Variants in PTPRN2 observed in about 807,000 individuals in gnomAD.
The protein encoded by PTPRN2 is receptor-type tyrosine-protein phosphatase N2.
A neutral mutation model predicts 118.8 loss-of-function variants in PTPRN2; 74 were observed. The observed-to-expected ratio is 0.62, with a 90% CI of 0.52 to 0.76. The LOEUF is 0.76. Among genes scored for constraint, PTPRN2 ranks in the 30% least tolerant of loss-of-function variants. The pLI, the probability that PTPRN2 is intolerant of heterozygous loss-of-function variation, is 0.00. For synonymous variants in PTPRN2, 641 were observed against 608.0 expected (o/e 1.05, Z -0.80); for missense variants, 1,481 against 1,394.4 (o/e 1.06, Z -0.99).
chr7:158,504,745 T>A (rs1391462049), intron 1 of PTPRN2, among the ~76,000 whole-genome samples: 1 of 152,230 alleles, frequency 6.6e-6, no homozygotes, highest in Non-Finnish European at 1.5e-5. Flanking sequence ...GCTTAATAAC[T>A]ATTTCTACAC....
rs561312168 is a variant in PTPRN2 at position 158,452,645 on chromosome 7, TG to T, written c.163+37089del. Among the ~76,000 whole-genome samples, 641 of 152,152 alleles carry T rather than the reference TG, an allele frequency of 4.2e-3. 1 individual carries two copies. The highest frequency in any genetic ancestry group is 7.8e-3 in the Admixed American group (120 of 15,292). ...GGATTCCAGCGGACACCTCTGGGCT[TG>T]GGGGGCTCGATAAGACAGGTGGAGT... On this transcript the variant is annotated intron_variant, in intron 2 of 22. Transcript: ENST00000389418.
At chr7:158,400,498 C>T (rs1812850365) in intron 2 of PTPRN2, among the ~76,000 whole-genome samples, 1 of 152,168 alleles carries the variant, frequency 6.6e-6, no homozygotes, top group Non-Finnish European at 1.5e-5. Context: ...GTGGCTCAAG[C>T]CCATTTCTCT....
intron 12 of PTPRN2, chr7:157,857,719 G>A (rs796781166): frequency 5.3e-5 from 8 of 152,292 alleles, no homozygotes; most frequent in Admixed American, 2.6e-4. Flanking sequence ...GACGCGCCAC[G>A]TGTCCGTCCA....
chr7:157,926,406 A>G (rs958813704), intron 11 of PTPRN2, among the ~76,000 whole-genome samples: 2 of 152,246 alleles, frequency 1.3e-5, no homozygotes, highest in African/African-American at 2.4e-5. Flanking sequence ...CAGAGCATCT[A>G]CTATGTGCCA....
chr7:158,442,002 T>C (rs531512438), intron 2 of PTPRN2, among the ~76,000 whole-genome samples: 300 of 150,320 alleles, frequency 2.0e-3, no homozygotes, highest in African/African-American at 7.0e-3. Context: ...GTGATGGTCA[T>C]GGCAGTGGTG....
chr7:157,692,898 T>A (rs1362536521), intron 12 of PTPRN2, among the ~76,000 whole-genome samples: 1 of 151,774 alleles, frequency 6.6e-6, no homozygotes, highest in Non-Finnish European at 1.5e-5. Context: ...GGTACTCGGG[T>A]TCCCCCAGCG....
intron 10 of PTPRN2, among the ~76,000 whole-genome samples, chr7:158,098,623 C>T (rs1444016425): frequency 2.0e-5 from 3 of 152,198 alleles, no homozygotes; most frequent in African/African-American, 7.2e-5. Context: ...CACACGCCTC[C>T]CTCGCCCGCC....
chr7:158,441,269 A>G (rs1490315697), intron 2 of PTPRN2, among the ~76,000 whole-genome samples: 2 of 62,536 alleles, frequency 3.2e-5, no homozygotes, highest in South Asian at 5.7e-4. Flanking sequence ...TGATGGTGAT[A>G]GTGATGGTGA....
chr7:158,118,794 C>G (rs908569854), intron 9 of PTPRN2, among the ~76,000 whole-genome samples: 2 of 152,178 alleles, frequency 1.3e-5, no homozygotes, highest in African/African-American at 4.8e-5. Flanking sequence ...CTCAACCTTT[C>G]CAGGCTCAGG....
chr7:157,671,466 G>A lies in PTPRN2; in HGVS notation c.2001+11259C>T, dbSNP rs568507680. On this transcript the variant is annotated intron_variant, in intron 13 of 22. Transcript: ENST00000389418. This position sits in a 1 kb window ranked among gnomAD's most constrained non-coding sequence, Gnocchi z 4.1. Reference sequence around the variant, plus strand: ...CCCCGGGCTGAGATGGAAGCTCAGGGGACGGGGGTCTGCACAGGGCTGGAC... The same window carrying A: ...CCCCGGGCTGAGATGGAAGCTCAGGAGACGGGGGTCTGCACAGGGCTGGAC... Among the ~76,000 whole-genome samples, 23 of 152,314 alleles carry A rather than the reference G, an allele frequency of 1.5e-4. No homozygotes were observed. The highest frequency in any genetic ancestry group is 4.6e-4 in the Admixed American group (7 of 15,306).
At chr7:158,001,212 T>G (rs897952941) in intron 11 of PTPRN2, among the ~76,000 whole-genome samples, 13 of 52,750 alleles carry the variant, frequency 2.5e-4, no homozygotes, top group Admixed American at 1.0e-3. Context: ...GCAGGCGGGG[T>G]GAAGGGTGGG....
At chr7:157,946,781 A>G (rs116030269) in intron 11 of PTPRN2, among the ~76,000 whole-genome samples, 3,190 of 152,352 alleles carry the variant, frequency 0.021, 113 homozygotes, top group African/African-American at 0.072. Flanking sequence ...GGATGATCCC[A>G]GAAGCCAAGT....
At chr7:158,452,326 G>A (rs1228289828) in intron 2 of PTPRN2, among the ~76,000 whole-genome samples, 2 of 152,194 alleles carry the variant, frequency 1.3e-5, no homozygotes, top group African/African-American at 4.8e-5. Flanking sequence ...ACATGTATAG[G>A]TTTATTCAGA....
chr7:158,184,667 C>G (rs1824990387), intron 5 of PTPRN2, among the ~76,000 whole-genome samples: 1 of 152,006 alleles, frequency 6.6e-6, no homozygotes, highest in African/African-American at 2.4e-5. Flanking sequence ...CAAAAATTAG[C>G]CGGGCATGGT....
At chr7:158,143,539 C>T (rs763389138) in intron 6 of PTPRN2, among the ~76,000 whole-genome samples, 28 of 152,130 alleles carry the variant, frequency 1.8e-4, no homozygotes, top group Non-Finnish European at 3.7e-4. Flanking sequence ...GGAATTTCAT[C>T]GGAGGGAAAG....
chr7:157,889,653 A>G (rs532352491), intron 12 of PTPRN2, among the ~76,000 whole-genome samples: 1 of 152,190 alleles, frequency 6.6e-6, no homozygotes, highest in African/African-American at 2.4e-5. Context: ...TCTCCCCTTC[A>G]CAAATATTCA....
chr7:157,672,204 G>T (rs1170698185), intron 13 of PTPRN2, among the ~76,000 whole-genome samples: 2 of 152,126 alleles, frequency 1.3e-5, no homozygotes, highest in Non-Finnish European at 2.9e-5. Context: ...GAACGGGAAG[G>T]CCTGAGCAAG....
intron 2 of PTPRN2, among the ~76,000 whole-genome samples, chr7:158,319,474 A>AGCCTCACACACACACACAC (rs1256486494): frequency 1.8e-5 from 1 of 54,404 alleles, no homozygotes; most frequent in South Asian, 7.0e-4. Context: ...CCTCACACAC[A>AGCCTCACACACACACACAC]AGCACAGCCT....
At chr7:157,971,815 C>T (rs1802354868) in intron 11 of PTPRN2, among the ~76,000 whole-genome samples, 3 of 152,158 alleles carry the variant, frequency 2.0e-5, no homozygotes, top group Admixed American at 1.3e-4. Context: ...AAAAGAACTC[C>T]CCAGGGATGG....
Sources: gnomAD v4.1 joint callset for allele counts (sites outside exome capture counted in the v4.1 genomes callset) on GRCh38, gnomAD v4.1.1 for gene constraint, Gnocchi (gnomAD v3.1) non-coding constraint, MANE v1.5 for transcripts, NCBI Gene and HGNC (gene_info 2026-07-23, HGNC 2026-07-21) for gene names.